Variants in CSMD3 observed in about 807,000 individuals in gnomAD.
The protein encoded by CSMD3 is CUB and sushi domain-containing protein 3.
Under a neutral mutation model 435.2 loss-of-function variants are expected in CSMD3, and 177 were observed. The ratio of observed to expected loss-of-function variants is 0.41; its 90% CI spans 0.36 to 0.46. The LOEUF (loss-of-function observed/expected upper bound fraction) is 0.46, where lower values mean the gene tolerates loss of function less well. CSMD3 is among the 20% of genes least tolerant of loss of function. The pLI is 0.34. For missense variants in CSMD3, 4,265 were observed against 4,504.6 expected (o/e 0.95, Z 1.52); for synonymous variants, 1,656 against 1,520.5 (o/e 1.09, Z -2.07).
At chr8:112,237,100 C>T (rs1351095331) in intron 67 of CSMD3, 90 bp downstream of exon 67, 1 of 1,391,510 alleles carries the variant, frequency 7.2e-7, no homozygotes, top group South Asian at 1.2e-5. Flanking sequence ...ATAAACATTT[C>T]ACCATATAAA....
chr8:113,419,753 G>A (rs9297494), intron 1 of CSMD3, among the ~76,000 whole-genome samples: 150,819 of 152,220 alleles, frequency 0.99, 74,720 homozygotes, highest in Middle Eastern at 1. Context: ...GTGTTTATGA[G>A]AATATATTAG....
At chr8:113,217,270 C>CG (rs2092916182) in intron 3 of CSMD3, among the ~76,000 whole-genome samples, 1 of 151,436 alleles carries the variant, frequency 6.6e-6, no homozygotes, top group African/African-American at 2.4e-5. Flanking sequence ...CCCACTACAA[C>CG]ATATTATCCA....
intron 13 of CSMD3, among the ~76,000 whole-genome samples, chr8:112,748,525 T>C (rs886518951): frequency 6.6e-6 from 1 of 152,004 alleles, no homozygotes; most frequent in Non-Finnish European, 1.5e-5. Context: ...TCCCAGAATC[T>C]GTTGTTTTCT....
chr8:112,772,532 T>C (rs2078145570), intron 13 of CSMD3, among the ~76,000 whole-genome samples: 2 of 152,062 alleles, frequency 1.3e-5, no homozygotes, highest in Admixed American at 6.6e-5. Context: ...CCCCATGTGA[T>C]AGTCTGAAAT....
intron 1 of CSMD3, among the ~76,000 whole-genome samples, chr8:113,325,306 G>T (rs1485470623): frequency 6.6e-6 from 1 of 152,150 alleles, no homozygotes; most frequent in Non-Finnish European, 1.5e-5. Flanking sequence ...CCCACATGTT[G>T]TGGGAGGTAC....
intron 12 of CSMD3, 49 bp downstream of exon 12, chr8:112,829,637 T>G: frequency 9.6e-7 from 1 of 1,038,838 alleles, no homozygotes; most frequent in South Asian, 1.3e-5. Context: ...AAGTAAAATT[T>G]TATTAGTACC....
At chr8:112,981,473 T>A (rs1414004009) in intron 6 of CSMD3, among the ~76,000 whole-genome samples, 1 of 151,642 alleles carries the variant, frequency 6.6e-6, no homozygotes, top group Non-Finnish European at 1.5e-5. Context: ...TTTGTTAAAG[T>A]TTATAAGCGT....
At chr8:112,928,553 T>C (rs1034163619) in intron 9 of CSMD3, among the ~76,000 whole-genome samples, 1 of 151,906 alleles carries the variant, frequency 6.6e-6, no homozygotes, top group African/African-American at 2.4e-5. Flanking sequence ...TTTTTTGTTC[T>C]TGCGATAGTT....
chr8:112,851,424 C>A (rs191355243), intron 11 of CSMD3, among the ~76,000 whole-genome samples: 13 of 152,040 alleles, frequency 8.6e-5, no homozygotes, highest in South Asian at 2.1e-4. Flanking sequence ...AATGTAAAAC[C>A]CATGAGAGAG....
chr8:113,274,169 C>G (rs900848383), intron 3 of CSMD3, among the ~76,000 whole-genome samples: 1 of 151,938 alleles, frequency 6.6e-6, no homozygotes, highest in Middle Eastern at 3.5e-3. Flanking sequence ...TGATTCCAAG[C>G]ACACAGAATT....
chr8:112,261,542 A>G (rs1312254296), intron 61 of CSMD3, among the ~76,000 whole-genome samples: 9 of 151,820 alleles, frequency 5.9e-5, no homozygotes, highest in Non-Finnish European at 1.3e-4. Context: ...GTGTGTGCAT[A>G]TGGCATATAT....
At chr8:112,259,028 G>T (rs1291286707) in intron 61 of CSMD3, among the ~76,000 whole-genome samples, 1 of 151,378 alleles carries the variant, frequency 6.6e-6, no homozygotes, top group Non-Finnish European at 1.5e-5. Flanking sequence ...TACAGAGCGA[G>T]AATCTATCTC....
chr8:112,433,462 C>T (rs1813943862), intron 32 of CSMD3, among the ~76,000 whole-genome samples: 1 of 151,206 alleles, frequency 6.6e-6, no homozygotes, highest in Non-Finnish European at 1.5e-5. Flanking sequence ...TCAAGACCAG[C>T]CTGGGCAACA....
At chr8:112,331,216 G>T (rs1343588903) in intron 45 of CSMD3, among the ~76,000 whole-genome samples, 1 of 151,800 alleles carries the variant, frequency 6.6e-6, no homozygotes, top group African/African-American at 2.4e-5. Context: ...ATCTTTCAGG[G>T]GGTCATTAAT....
chr8:113,230,021 AATC>A (rs1352950286), intron 3 of CSMD3, among the ~76,000 whole-genome samples: 1 of 151,596 alleles, frequency 6.6e-6, no homozygotes, highest in Non-Finnish European at 1.5e-5. Flanking sequence ...CAGAAAGAAA[AATC>A]ATCAAGAGAT....
chr8:112,982,859 G>T (rs879749948), intron 6 of CSMD3, among the ~76,000 whole-genome samples: 14 of 151,754 alleles, frequency 9.2e-5, no homozygotes, highest in Non-Finnish European at 2.1e-4. Context: ...TTATTTTTCA[G>T]GATATAAACA....
At chr8:112,954,638 C>T (rs1355878826) in intron 8 of CSMD3, 46 bp downstream of exon 8, 1 of 1,228,162 alleles carries the variant, frequency 8.1e-7, no homozygotes, top group Non-Finnish European at 1.2e-6. Context: ...ACACCACAAA[C>T]TTCACTCTTG....
intron 1 of CSMD3, among the ~76,000 whole-genome samples, chr8:113,334,277 GTTT>G (rs199620801): frequency 1.3e-5 from 1 of 78,746 alleles, no homozygotes; most frequent in African/African-American, 3.8e-5. Context: ...GATAGTTTAA[GTTT>G]TTTTTTTTTT....
At chr8:112,467,346 G>C (rs562776821) in intron 32 of CSMD3, among the ~76,000 whole-genome samples, 1 of 152,146 alleles carries the variant, frequency 6.6e-6, no homozygotes, top group Admixed American at 6.5e-5. Context: ...GTGTCTTCTA[G>C]GAGGTAGAGC....
Sources: allele counts gnomAD v4.1 joint callset (sites outside exome capture counted in the v4.1 genomes callset), GRCh38; gene constraint gnomAD v4.1.1; transcripts MANE v1.5; gene names NCBI Gene and HGNC (gene_info 2026-07-23, HGNC 2026-07-21).